The following NEK11 variants were observed in gnomAD, a reference collection of about 807,000 sequenced individuals.
NEK11 encodes serine/threonine-protein kinase Nek11.
In NEK11, 72 loss-of-function variants were observed where a neutral mutation model predicts 80.7. That is an observed-to-expected ratio of 0.89 (90% confidence interval 0.74 to 1.08). NEK11 has a LOEUF of 1.08. NEK11 is among the 50% of genes least tolerant of loss of function. NEK11 has a pLI of 0.00. For missense variants in NEK11, 764 were observed against 763.6 expected (o/e 1.00, Z -0.01); for synonymous variants, 251 against 260.7 (o/e 0.96, Z 0.36).
intron 14 of NEK11, among the ~76,000 whole-genome samples, chr3:131,178,884 T>TGTGGTATATGTG (rs1400081468): frequency 1.3e-5 from 2 of 152,172 alleles, no homozygotes; most frequent in South Asian, 2.1e-4. Flanking sequence ...GGACCACAAC[T>TGTGGTATATGTG]GTATATGTGG....
chr3:131,237,402 A>G (rs992804462), intron 15 of NEK11, among the ~76,000 whole-genome samples: 2 of 152,198 alleles, frequency 1.3e-5, no homozygotes, highest in Admixed American at 6.5e-5. Context: ...TGCATCACAT[A>G]TTTGAATGGT....
intron 17 of NEK11, among the ~76,000 whole-genome samples, chr3:131,296,632 T>G (rs2096596169): frequency 6.6e-6 from 1 of 152,142 alleles, no homozygotes; most frequent in South Asian, 2.1e-4. Context: ...CACACGACTT[T>G]CATTTTACTT....
chr3:131,192,580 A>G (rs2093840834), intron 14 of NEK11, among the ~76,000 whole-genome samples: 1 of 152,232 alleles, frequency 6.6e-6, no homozygotes, highest in African/African-American at 2.4e-5. Context: ...TATAACATAC[A>G]TACAATGGAA....
chr3:131,162,806 C>A (rs2091789244), intron 11 of NEK11, among the ~76,000 whole-genome samples: 1 of 152,148 alleles, frequency 6.6e-6, no homozygotes, highest in African/African-American at 2.4e-5. Context: ...CAAACGAAAT[C>A]TCATTGTTGT....
chr3:131,195,955 C>T (rs1260712248), intron 14 of NEK11, among the ~76,000 whole-genome samples: 1 of 151,072 alleles, frequency 6.6e-6, no homozygotes, highest in Non-Finnish European at 1.5e-5. Flanking sequence ...TAAATACTTG[C>T]TTAATGAATG....
intron 17 of NEK11, among the ~76,000 whole-genome samples, chr3:131,338,288 T>C (rs1398074407): frequency 6.7e-6 from 1 of 149,748 alleles, no homozygotes; most frequent in African/African-American, 2.5e-5. Context: ...TTTTTTTTTT[T>C]TTTAATACTA....
At chr3:131,189,485 A>C (rs1312113223) in intron 14 of NEK11, among the ~76,000 whole-genome samples, 1 of 152,182 alleles carries the variant, frequency 6.6e-6, no homozygotes, top group East Asian at 1.9e-4. Context: ...CATCTTTTAT[A>C]AGGGTACTAA....
intron 17 of NEK11, among the ~76,000 whole-genome samples, chr3:131,302,197 T>C (rs1372862753): frequency 3.3e-5 from 5 of 152,090 alleles, no homozygotes; most frequent in African/African-American, 9.6e-5. Flanking sequence ...ATAGGGTTGG[T>C]GGTAATGTCC....
intron 14 of NEK11, among the ~76,000 whole-genome samples, chr3:131,196,170 A>G (rs2094001911): frequency 1.3e-5 from 2 of 152,140 alleles, no homozygotes; most frequent in Non-Finnish European, 1.5e-5. Context: ...TTTTCCAGAG[A>G]TATGCAATGA....
intron 14 of NEK11, among the ~76,000 whole-genome samples, chr3:131,211,593 T>C (rs1413151501): frequency 6.6e-6 from 1 of 152,240 alleles, no homozygotes; most frequent in East Asian, 1.9e-4. Context: ...TCCCCGTCAC[T>C]TTCAGTTACA....
At chr3:131,336,198 A>T (rs141327740) in intron 17 of NEK11, among the ~76,000 whole-genome samples, 15,112 of 152,134 alleles carry the variant, frequency 0.099, 1,162 homozygotes, top group African/African-American at 0.21. Context: ...TGGAGGCATC[A>T]CGCTACCTGA....
rs1363471921 is a variant in NEK11, at chr3:131,203,749, G to A, written c.1400-24779G>A. Among the ~76,000 whole-genome samples, 222 of 32,938 alleles carry A rather than the reference G, an allele frequency of 6.7e-3. 6 individuals are homozygous for A. Among genetic ancestry groups the A allele is most frequent in the South Asian group, 0.064 (45 of 704 alleles). The allele number at this position is 32,938 out of a possible 152,430, so 21.6% of individuals were successfully genotyped here. On this transcript the variant is annotated intron_variant, in intron 14 of 17. Coordinates refer to ENST00000383366, the MANE Select transcript of NEK11 (RefSeq NM_024800.5). ...ATATTATATATGTGTATATATATAT[G>A]TGTGTGTGTGTGTGTGTGTATATAT...
intron 14 of NEK11, among the ~76,000 whole-genome samples, chr3:131,217,492 A>T (rs1026106756): frequency 1.2e-4 from 18 of 152,182 alleles, no homozygotes; most frequent in African/African-American, 3.9e-4. Flanking sequence ...ACAGTTACAC[A>T]TCACTTAAAA....
chr3:131,221,594 A>G (rs2095029461), intron 14 of NEK11, among the ~76,000 whole-genome samples: 1 of 152,220 alleles, frequency 6.6e-6, no homozygotes, highest in African/African-American at 2.4e-5. Context: ...AATGTCTAAA[A>G]GGAACTAAGT....
intron 12 of NEK11, among the ~76,000 whole-genome samples, chr3:131,168,213 T>C (rs1343683045): frequency 6.6e-6 from 1 of 152,204 alleles, no homozygotes; most frequent in Non-Finnish European, 1.5e-5. Flanking sequence ...CAATGGACCC[T>C]CCTCCAAATT....
At chr3:131,056,946 T>A (rs949096074) in intron 3 of NEK11, among the ~76,000 whole-genome samples, 66 of 151,946 alleles carry the variant, frequency 4.3e-4, no homozygotes, top group African/African-American at 1.5e-3. Context: ...TGCAGGTTAG[T>A]TACATATGTA....
intron 3 of NEK11, among the ~76,000 whole-genome samples, chr3:131,050,895 G>C (rs1172146052): frequency 6.6e-6 from 1 of 151,956 alleles, no homozygotes; most frequent in Non-Finnish European, 1.5e-5. Context: ...GCATGGTGGC[G>C]CATGCCTGCA....
chr3:131,147,979 T>C (rs978122754), intron 7 of NEK11, among the ~76,000 whole-genome samples: 5 of 151,934 alleles, frequency 3.3e-5, no homozygotes, highest in African/African-American at 1.2e-4. Context: ...CCAATAAGCA[T>C]AATGTTTACT....
At chr3:131,035,407 T>C (rs1263507440) in intron 3 of NEK11, among the ~76,000 whole-genome samples, 1 of 152,180 alleles carries the variant, frequency 6.6e-6, no homozygotes, top group African/African-American at 2.4e-5. Context: ...CTGGGTCCAT[T>C]GTTGTAAAGC....
Sources: gnomAD v4.1 joint callset for allele counts (sites outside exome capture counted in the v4.1 genomes callset) on GRCh38, gnomAD v4.1.1 for gene constraint, MANE v1.5 for transcripts, NCBI Gene and HGNC (gene_info 2026-07-23, HGNC 2026-07-21) for gene names.